TM9SF3: variants seen among roughly 807,000 people sequenced by gnomAD.
The protein encoded by TM9SF3 is transmembrane 9 superfamily member 3, also known as SM-11044-binding protein.
A neutral mutation model predicts 78.6 loss-of-function variants in TM9SF3; 14 were observed. That is an observed-to-expected ratio of 0.18 (90% CI 0.12 to 0.28). The LOEUF is 0.28. Among genes scored for constraint, TM9SF3 ranks in the 10% least tolerant of loss-of-function variants. The pLI is 1.00. For synonymous variants in TM9SF3, 231 were observed against 241.7 expected, an observed-to-expected ratio of 0.96 and a Z score of 0.41; for missense variants, 496 against 721.9, an observed-to-expected ratio of 0.69 and a Z score of 3.59.
At chr10:96,539,840 T>C (rs1848001782) in intron 9 of TM9SF3, among the ~76,000 whole-genome samples, 1 of 152,056 alleles carries the variant, frequency 6.6e-6, no homozygotes. Flanking sequence ...AACAAAAACC[T>C]ATCATCACCA....
intron 14 of TM9SF3, among the ~76,000 whole-genome samples, chr10:96,524,603 T>C (rs1847817944): frequency 6.6e-6 from 1 of 151,884 alleles, no homozygotes; most frequent in South Asian, 2.1e-4. Flanking sequence ...AAAAAGAGAA[T>C]ACTGAATATG....
At chr10:96,562,256 C>G (rs536166512) in intron 3 of TM9SF3, 118 bp from the exon 4 acceptor site, 1 of 763,986 alleles carries the variant, frequency 1.3e-6, no homozygotes, top group African/African-American at 1.8e-5. Flanking sequence ...CTCTCTCCCT[C>G]CCTGGCCACT....
At position 96,520,246 on chromosome 10, in the gene TM9SF3, A is replaced by T. The variant is rs1318939184; in HGVS notation, c.*2017T>A. The T allele has an allele frequency of 3.3e-5, 5 of 151,882 alleles. No individual in the cohort carries two copies. Among genetic ancestry groups the T allele is most frequent in the African/African-American group, 9.7e-5 (4 of 41,412 alleles). 9.4% of individuals were successfully genotyped at this position (151,882 alleles called of 1,614,324 possible). On this transcript the variant is annotated 3_prime_UTR_variant, in exon 15 of 15. Transcript: ENST00000371142. ...TAACTTTTAGTTTCTTTTTTATAAG[A>T]TCTTAAAGGCAAGTAAGAAGGAAGA...
chr10:96,524,774 C>A (rs976139561), intron 14 of TM9SF3, among the ~76,000 whole-genome samples: 2 of 151,744 alleles, frequency 1.3e-5, no homozygotes, highest in African/African-American at 2.4e-5. Context: ...TACTGACAAG[C>A]ATTTTAGCAA....
At position 96,530,611 on chromosome 10, in the gene TM9SF3, G is replaced by T. The variant is rs762343050; in HGVS notation, c.1326-3C>A. The T allele has an allele frequency of 6.2e-7, 1 of 1,606,064 alleles. No homozygotes were observed. The highest frequency in any genetic ancestry group is 8.5e-7 in the Non-Finnish European group (1 of 1,176,650). ...CAATAACCGCAGGCTCCATGAACCT[G>T]GAAAATATTAAAATTAATAGTAAAC... On this transcript the variant is annotated splice_region_variant and splice_polypyrimidine_tract_variant and intron_variant, in intron 10 of 14. Coordinates refer to ENST00000371142, the MANE Select transcript of TM9SF3 (RefSeq NM_020123.4).
chr10:96,531,896 CA>C lies in TM9SF3; in HGVS notation c.1325+1154del, dbSNP rs544880916. Among the ~76,000 whole-genome samples, 1,304 of 148,822 alleles carry C rather than the reference CA, an allele frequency of 8.8e-3. 22 individuals carry two copies. Among genetic ancestry groups the C allele is most frequent in the African/African-American group, 0.03 (1,237 of 40,638 alleles). ...TGATGGGTCCTAACATACTGATTTA[CA>C]AAAAAAAAATTACTTTAAAAAATAA... is the stretch of plus-strand genomic sequence containing the variant. On this transcript the variant is annotated intron_variant, in intron 10 of 14. Coordinates refer to ENST00000371142, the MANE Select transcript of TM9SF3 (RefSeq NM_020123.4).
intron 6 of TM9SF3, 85 bp from the exon 7 acceptor site, chr10:96,551,496 A>G: frequency 9.7e-7 from 1 of 1,029,594 alleles, no homozygotes; most frequent in Non-Finnish European, 1.3e-6. Context: ...TACAGTTGTA[A>G]GTTTCCTCCC....
chr10:96,559,468 A>C (rs561938793), intron 5 of TM9SF3, among the ~76,000 whole-genome samples, 191 bp downstream of exon 5: 1 of 152,340 alleles, frequency 6.6e-6, no homozygotes, highest in South Asian at 2.1e-4. Flanking sequence ...AGCACAAAGA[A>C]GGAAGTTTTT....
chr10:96,586,298 A>G (rs970669396), intron 1 of TM9SF3, among the ~76,000 whole-genome samples: 7 of 152,200 alleles, frequency 4.6e-5, no homozygotes, highest in African/African-American at 1.7e-4. Context: ...GCTGCCGGGT[A>G]ATCACGATGC....
intron 2 of TM9SF3, among the ~76,000 whole-genome samples, chr10:96,568,999 G>A (rs1176489572): frequency 1.3e-5 from 2 of 152,028 alleles, no homozygotes; most frequent in Non-Finnish European, 2.9e-5. Context: ...ACCAGCCTGA[G>A]CAACATGTCA....
At chr10:96,544,336 C>G in intron 8 of TM9SF3, 130 bp from the exon 9 acceptor site, 1 of 814,170 alleles carries the variant, frequency 1.2e-6, no homozygotes, top group Non-Finnish European at 1.8e-6. Flanking sequence ...CTAACAAATA[C>G]CAAAGATTTC....
chr10:96,582,451 C>T (rs1388073937), intron 1 of TM9SF3, among the ~76,000 whole-genome samples: 1 of 152,064 alleles, frequency 6.6e-6, no homozygotes, highest in Non-Finnish European at 1.5e-5. Flanking sequence ...TAATGGAGTC[C>T]TTCGGAATCT....
chr10:96,526,080 A>G (rs575076179), intron 14 of TM9SF3, among the ~76,000 whole-genome samples: 1 of 152,162 alleles, frequency 6.6e-6, no homozygotes, highest in East Asian at 1.9e-4. Flanking sequence ...ACATTTAATC[A>G]CTGAATCCTC....
rs762739660 is a variant in TM9SF3 at position 96,547,995 on chromosome 10, A to G, written c.960-6T>C. On this transcript the variant is annotated splice_region_variant and splice_polypyrimidine_tract_variant and intron_variant, in intron 7 of 14. Coordinates refer to ENST00000371142, the MANE Select transcript of TM9SF3 (RefSeq NM_020123.4). ...TACTGAGCATTGATCCCCTCCTAAA[A>G]AGGCAAAAAAGAAAAAAAAAATTAA... The G allele has an allele frequency of 3.2e-6, 5 of 1,578,818 alleles. No homozygotes were observed. The highest frequency in any genetic ancestry group is 1.2e-5 in the South Asian group (1 of 83,762).
intron 5 of TM9SF3, among the ~76,000 whole-genome samples, chr10:96,553,385 C>T (rs1589454437): frequency 6.6e-6 from 1 of 152,168 alleles, no homozygotes; most frequent in South Asian, 2.1e-4. Flanking sequence ...AACATGGGCT[C>T]TGGAGTCAAA....
chr10:96,583,097 A>G (rs1848590920), intron 1 of TM9SF3, among the ~76,000 whole-genome samples: 1 of 151,858 alleles, frequency 6.6e-6, no homozygotes, highest in South Asian at 2.1e-4. Context: ...AAAAAAAGAA[A>G]AAAAAGAAAG....
chr10:96,534,510 TAC>T (rs1847933263), intron 9 of TM9SF3, among the ~76,000 whole-genome samples: 1 of 103,860 alleles, frequency 9.6e-6, no homozygotes, highest in South Asian at 2.9e-4. Flanking sequence ...TCTTAATAAC[TAC>T]AAGACTCATA....
chr10:96,565,181 T>C (rs1848354295), intron 3 of TM9SF3, 123 bp downstream of exon 3: 1 of 949,712 alleles, frequency 1.1e-6, no homozygotes, highest in Non-Finnish European at 1.4e-6. Context: ...AAAATCATTC[T>C]GTAAAAAACA....
Position 96,553,059 on chromosome 10 carries a change from T to A in TM9SF3, c.661A>T (p.Ile221Phe), listed in dbSNP as rs1848192841. ...GAGTTGAAAATTGAAAACCAATGAA[T>A]CTAAAATAACAGAAAATAAAATGTT... ...YLDPSFFQHR[I>F]HWFSIFNSFM... Residue 221 changes from isoleucine (I) to phenylalanine (F), a missense_variant and splice_region_variant, in exon 6 of 15, where the codon ATT becomes TTT. By Grantham distance (21) the Ile-to-Phe change is conservative (BLOSUM62 0). Transcript: ENST00000371142. 6.3e-7 allele frequency: 1 copy of A among 1,578,202 alleles called. No individual in the cohort carries two copies. Among genetic ancestry groups the A allele is most frequent in the African/African-American group, 1.4e-5 (1 of 71,484 alleles).
Sources: gnomAD v4.1 joint callset for allele counts (sites outside exome capture counted in the v4.1 genomes callset) on GRCh38, gnomAD v4.1.1 for gene constraint, MANE v1.5 for transcripts, NCBI Gene and HGNC (gene_info 2026-07-23, HGNC 2026-07-21) for gene names.